The following IQGAP2 variants were observed in gnomAD, a reference collection of about 807,000 sequenced individuals.
IQGAP2 encodes ras GTPase-activating-like protein IQGAP2.
In IQGAP2, 173 loss-of-function variants were observed where a neutral mutation model predicts 201.3. That is an observed-to-expected ratio of 0.86 (90% CI 0.76 to 0.98). IQGAP2 has a LOEUF of 0.98. Ranked by LOEUF, IQGAP2 falls within the 50% of genes least tolerant of loss-of-function variation. The pLI is 0.00. For synonymous variants in IQGAP2, 675 were observed against 673.9 expected, an observed-to-expected ratio of 1.00 and a Z score of -0.03; for missense variants, 1,687 against 1,864.8, an observed-to-expected ratio of 0.90 and a Z score of 1.76.
At chr5:76,598,940 A>G (rs116819820) in intron 10 of IQGAP2, among the ~76,000 whole-genome samples, 67 of 152,338 alleles carry the variant, frequency 4.4e-4, no homozygotes, top group African/African-American at 1.5e-3. Context: ...TAAGATATAT[A>G]GCATTATCTT....
chr5:76,556,447 T>A (rs1052431468), intron 2 of IQGAP2, among the ~76,000 whole-genome samples: 1 of 152,134 alleles, frequency 6.6e-6, no homozygotes, highest in Non-Finnish European at 1.5e-5. Context: ...AGAAAATGAT[T>A]TGGGGCTGCT....
chr5:76,693,481 G>A, intron 31 of IQGAP2, 39 bp downstream of exon 31: 1 of 1,261,474 alleles, frequency 7.9e-7, no homozygotes, highest in Non-Finnish European at 1.2e-6. Flanking sequence ...ATAGACAGGT[G>A]TTGATTTTCT....
intron 2 of IQGAP2, chr5:76,510,625 C>A: frequency 1.9e-6 from 1 of 521,282 alleles, no homozygotes; most frequent in South Asian, 1.4e-5. Flanking sequence ...CAGAGGGGCC[C>A]AGGGAGGTGA....
At position 76,619,836 on chromosome 5, in the gene IQGAP2, G is replaced by A. The variant is rs927644485; in HGVS notation, c.1522-7574G>A. On this transcript the variant is annotated intron_variant, in intron 13 of 35. Coordinates refer to ENST00000274364, the MANE Select transcript of IQGAP2 (RefSeq NM_006633.5). ...CCCGGCCAGTTAAGGATCTTAAAATGAGATTTTCCTGGATTGCCTGGGTGG... is the reference window on the plus strand; with the variant it reads ...CCCGGCCAGTTAAGGATCTTAAAATAAGATTTTCCTGGATTGCCTGGGTGG... Among the ~76,000 whole-genome samples, 6 of 152,240 alleles carry A rather than the reference G, an allele frequency of 3.9e-5. No homozygotes were observed. In the South Asian group the frequency reaches 1.0e-3, roughly 26 times the overall value.
Position 76,587,124 on chromosome 5 carries a change from G to A in IQGAP2, c.459-1782G>A, listed in dbSNP as rs116284097. The stretch of plus-strand genomic sequence containing the variant: ...AAGCAATGATGCTTATAACACTGTT[G>A]ACAGTATAGGTTCCTAAGAGAACAG... On this transcript the variant is annotated intron_variant, in intron 5 of 35. Transcript: ENST00000274364. Among the ~76,000 whole-genome samples, 756 of 152,282 alleles carry A rather than the reference G, an allele frequency of 5.0e-3. 8 individuals are homozygous for A. The highest frequency in any genetic ancestry group is 0.017 in the African/African-American group (719 of 41,546).
At position 76,520,052 on chromosome 5, in the gene IQGAP2, C is replaced by CT. The variant is rs566384574; in HGVS notation, c.147-42333dup. On this transcript the variant is annotated intron_variant, in intron 2 of 35. Transcript: ENST00000274364. ...TTAATTTCAATAAAGTCCAATTTAT[C>CT]TTTTTTTTTTTCATTAATGGTTTGT... Among the ~76,000 whole-genome samples, 1,444 of 145,484 alleles carry CT rather than the reference C, an allele frequency of 9.9e-3. 13 individuals are homozygous for CT. The highest frequency in any genetic ancestry group is 0.014 in the Non-Finnish European group (906 of 65,866).
intron 12 of IQGAP2, among the ~76,000 whole-genome samples, chr5:76,610,644 A>G (rs1309539380): frequency 6.6e-6 from 1 of 152,034 alleles, no homozygotes; most frequent in Non-Finnish European, 1.5e-5. Flanking sequence ...CAATTTAAGA[A>G]GTATTTCCAT....
intron 35 of IQGAP2, among the ~76,000 whole-genome samples, chr5:76,703,476 A>C (rs1302740797): frequency 1.3e-5 from 2 of 152,060 alleles, no homozygotes; most frequent in African/African-American, 4.8e-5. Flanking sequence ...TTTTTACGTC[A>C]ATTTATTAAC....
chr5:76,540,949 G>A (rs1338813576), intron 2 of IQGAP2, among the ~76,000 whole-genome samples: 2 of 152,190 alleles, frequency 1.3e-5, no homozygotes, highest in Non-Finnish European at 1.5e-5. Context: ...AAGCCATCAT[G>A]TAAGAAAAGC....
intron 2 of IQGAP2, among the ~76,000 whole-genome samples, chr5:76,491,175 G>A (rs1030947421): frequency 1.3e-5 from 2 of 152,028 alleles, no homozygotes; most frequent in Non-Finnish European, 2.9e-5. Flanking sequence ...TGATGTGTTT[G>A]TATAAACATG....
intron 3 of IQGAP2, among the ~76,000 whole-genome samples, chr5:76,569,097 C>G (rs1744936743): frequency 6.6e-6 from 1 of 152,174 alleles, no homozygotes; most frequent in Admixed American, 6.5e-5. Flanking sequence ...TCAACTCTCC[C>G]TTCCTCTATC....
chr5:76,689,314 T>C (rs1746070958), intron 30 of IQGAP2, among the ~76,000 whole-genome samples: 1 of 148,554 alleles, frequency 6.7e-6, no homozygotes, highest in Admixed American at 6.8e-5. Context: ...CATAGGGTTA[T>C]AGCCTCAATC....
At chr5:76,495,776 T>G (rs979406662) in intron 2 of IQGAP2, among the ~76,000 whole-genome samples, 1 of 151,122 alleles carries the variant, frequency 6.6e-6, no homozygotes, top group Non-Finnish European at 1.5e-5. Context: ...AAGGGGGAGG[T>G]CCCAGCTCAA....
At chr5:76,585,175 T>C (rs552224177) in intron 5 of IQGAP2, among the ~76,000 whole-genome samples, 2 of 152,348 alleles carry the variant, frequency 1.3e-5, no homozygotes, top group African/African-American at 2.4e-5. Context: ...GGATAATAGA[T>C]ACCAATTAGT....
In IQGAP2 at chr5:76,562,551, A is replaced by T; in HGVS notation, c.302A>T (p.Lys101Met). 1 of 1,611,614 alleles carries T rather than the reference A, an allele frequency of 6.2e-7. No individual in the cohort carries two copies. The highest frequency in any genetic ancestry group is 8.5e-7 in the Non-Finnish European group (1 of 1,178,990). The change falls in exon 3 of 36, where the codon AAG becomes ATG. Residue 101 changes from lysine (K) to methionine (M), a missense_variant and splice_region_variant. Transcript: ENST00000274364. ...KIYDVEQTRY[K>M]KSGLHFRHTD... ...TATGATGTGGAACAAACACGTTATAAGGTAACCAAGATCTAATTGGTTTTG... is the reference window on the plus strand; with the variant it reads ...TATGATGTGGAACAAACACGTTATATGGTAACCAAGATCTAATTGGTTTTG...
intron 21 of IQGAP2, among the ~76,000 whole-genome samples, chr5:76,663,230 T>G (rs1580756933): frequency 6.6e-6 from 1 of 152,140 alleles, no homozygotes; most frequent in East Asian, 1.9e-4. Context: ...GTGGCCAGGG[T>G]GATAGACGCT....
rs1345710395 is a variant in IQGAP2, at chr5:76,702,674, C to A, written c.4614+84C>A. On this transcript the variant is annotated intron_variant, in intron 35 of 35. Coordinates refer to ENST00000274364, the MANE Select transcript of IQGAP2 (RefSeq NM_006633.5). Reference sequence around the variant, plus strand: ...CTACCCTGGCTCTCTCTCTTCAGGACAACAATAAAGTTTAACAGAAAACCA... The same window carrying A: ...CTACCCTGGCTCTCTCTCTTCAGGAAAACAATAAAGTTTAACAGAAAACCA... 3 of 588,230 alleles carry A rather than the reference C, an allele frequency of 5.1e-6. No homozygotes were observed. The Admixed American group carries it at 7.7e-5, about 15-fold the overall frequency. 36.4% of individuals were successfully genotyped at this position (588,230 alleles called of 1,614,324 possible).
intron 2 of IQGAP2, among the ~76,000 whole-genome samples, chr5:76,553,425 C>G (rs1743698635): frequency 6.6e-6 from 1 of 152,172 alleles, no homozygotes; most frequent in East Asian, 1.9e-4. Flanking sequence ...AGCAGTTCTA[C>G]CGTCAGGATA....
rs572139542 is a variant in IQGAP2, at chr5:76,444,487, C to T, written c.47-17083C>T. ...CTAATTTTTGTATTTTTAGTAGAGA[C>T]GGGGTTTCACCACGTTGGCCAGGCT... On this transcript the variant is annotated intron_variant, in intron 1 of 35. Transcript: ENST00000274364. Among the ~76,000 whole-genome samples, 15 of 152,212 alleles carry T rather than the reference C, an allele frequency of 9.9e-5. No individual in the cohort carries two copies. In the East Asian group the frequency reaches 2.5e-3, roughly 26 times the overall value.
Sources: gnomAD v4.1 joint callset for allele counts (sites outside exome capture counted in the v4.1 genomes callset) on GRCh38, gnomAD v4.1.1 for gene constraint, MANE v1.5 for transcripts, NCBI Gene and HGNC (gene_info 2026-07-23, HGNC 2026-07-21) for gene names.